NRXN1: variants seen among roughly 807,000 people sequenced by gnomAD.
NRXN1 encodes neurexin 1.
A neutral mutation model predicts 150.9 loss-of-function variants in NRXN1; 39 were observed. The ratio of observed to expected loss-of-function variants is 0.26; its 90% CI spans 0.20 to 0.34. The LOEUF (loss-of-function observed/expected upper bound fraction) is 0.34, where lower values mean the gene tolerates loss of function less well. NRXN1 is among the 10% of genes least tolerant of loss of function. The pLI is 1.00. For missense variants in NRXN1, 1,815 were observed against 1,949.9 expected, an observed-to-expected ratio of 0.93 and a Z score of 1.30; for synonymous variants, 924 against 757.0, an observed-to-expected ratio of 1.22 and a Z score of -3.62.
intron 5 of NRXN1, among the ~76,000 whole-genome samples, chr2:50,821,211 C>T (rs1487046922): frequency 6.6e-6 from 1 of 152,140 alleles, no homozygotes; most frequent in Non-Finnish European, 1.5e-5. Flanking sequence ...CCCACAGGCC[C>T]CATGCAGCCC....
At chr2:49,987,205 T>G (rs1174831094) in intron 21 of NRXN1, among the ~76,000 whole-genome samples, 2 of 152,122 alleles carry the variant, frequency 1.3e-5, no homozygotes, top group Non-Finnish European at 2.9e-5. Flanking sequence ...AGCCTACAAT[T>G]CTGCTCTCTA....
At chr2:50,647,897 C>G (rs1246610239) in intron 5 of NRXN1, among the ~76,000 whole-genome samples, 1 of 151,656 alleles carries the variant, frequency 6.6e-6, no homozygotes, top group Non-Finnish European at 1.5e-5. Context: ...GTAGGGCATA[C>G]AAATTATACT....
At chr2:50,800,610 C>T (rs1384590731) in intron 5 of NRXN1, among the ~76,000 whole-genome samples, 1 of 151,968 alleles carries the variant, frequency 6.6e-6, no homozygotes, top group Non-Finnish European at 1.5e-5. Flanking sequence ...AGCACAATGG[C>T]GCGATCTCGG....
rs565060401 is a variant in NRXN1, at chr2:50,300,761, T to C, written c.3365-63791A>G. Among the ~76,000 whole-genome samples the C allele has an allele frequency of 2.3e-3, 344 of 152,286 alleles. 2 individuals are homozygous for C. Among genetic ancestry groups the C allele is most frequent in the Non-Finnish European group, 3.0e-3 (205 of 68,016 alleles). On this transcript the variant is annotated intron_variant, in intron 17 of 22. Coordinates refer to ENST00000401669, the MANE Select transcript of NRXN1 (RefSeq NM_001330078.2). ...CCCAGGCTGGAGTGCAATGGCACTATCTTGGCTCACTGCAATCTCCGCCTC... is the reference window on the plus strand; with the variant it reads ...CCCAGGCTGGAGTGCAATGGCACTACCTTGGCTCACTGCAATCTCCGCCTC...
intron 18 of NRXN1, among the ~76,000 whole-genome samples, chr2:50,211,880 C>T (rs919008707): frequency 2.6e-5 from 4 of 151,436 alleles, no homozygotes; most frequent in Admixed American, 1.3e-4. Context: ...ACGTGTTCTT[C>T]GTTCATTTAA....
intron 5 of NRXN1, among the ~76,000 whole-genome samples, chr2:50,865,514 C>T (rs550232492): frequency 1.3e-5 from 2 of 150,568 alleles, no homozygotes; most frequent in East Asian, 4.0e-4. Flanking sequence ...CTCTCTGGTT[C>T]CAGAGTGTAT....
At chr2:50,829,628 G>A (rs1671101514) in intron 5 of NRXN1, 4 of 1,611,882 alleles carry the variant, frequency 2.5e-6, no homozygotes, top group South Asian at 1.1e-5. Context: ...TACTACTGGG[G>A]ATTCCAGTAG....
intron 17 of NRXN1, among the ~76,000 whole-genome samples, chr2:50,323,851 T>C (rs1191435014): frequency 1.3e-5 from 2 of 152,146 alleles, no homozygotes; most frequent in East Asian, 3.9e-4. Flanking sequence ...ATTACTTCAT[T>C]TTAACAAAAG....
At chr2:50,613,343 A>G (rs1046394588) in intron 8 of NRXN1, among the ~76,000 whole-genome samples, 1 of 152,166 alleles carries the variant, frequency 6.6e-6, no homozygotes, top group Non-Finnish European at 1.5e-5. Flanking sequence ...GCTGTACAGA[A>G]TAGAACAGTC....
rs1253168349 is a variant in NRXN1 at position 49,920,966 on chromosome 2, A to AAAAAT, written c.*973_*977dup. Reference sequence around the variant, plus strand: ...TAAACACTACACTGTAATTTCTTTAAAAAATAAAAGTAATTGTGGCAATTT... The same window carrying AAAAAT: ...TAAACACTACACTGTAATTTCTTTAAAAAATAAAATAAAAGTAATTGTGGCAATTT... On this transcript the variant is annotated 3_prime_UTR_variant, in exon 23 of 23. Coordinates refer to ENST00000401669, the MANE Select transcript of NRXN1 (RefSeq NM_001330078.2). 5 of 116,028 alleles carry AAAAAT rather than the reference A, an allele frequency of 4.3e-5. No individual in the cohort carries two copies. The highest frequency in any genetic ancestry group is 9.3e-5 in the Non-Finnish European group (5 of 53,744). The allele number at this position is 116,028 out of a possible 1,614,324, so 7.2% of individuals were successfully genotyped here. A position where few individuals can be genotyped will look rare whatever the true frequency, so the allele number is the denominator to read the frequency against.
At chr2:49,929,452 CT>C (rs1337890625) in intron 22 of NRXN1, among the ~76,000 whole-genome samples, 14 of 152,084 alleles carry the variant, frequency 9.2e-5, no homozygotes, top group Admixed American at 2.6e-4. Context: ...TCATTGTATC[CT>C]TGTGGTTTGC....
At chr2:50,951,407 A>G (rs1227004374) in intron 2 of NRXN1, among the ~76,000 whole-genome samples, 2 of 152,194 alleles carry the variant, frequency 1.3e-5, no homozygotes, top group Admixed American at 6.5e-5. Context: ...CCCGCCAGAT[A>G]CCCAACTGGA....
chr2:50,768,733 T>C (rs1175024092), intron 5 of NRXN1, among the ~76,000 whole-genome samples: 1 of 151,990 alleles, frequency 6.6e-6, no homozygotes, highest in Admixed American at 6.6e-5. Flanking sequence ...TGGTTGCAGC[T>C]GGGTCACCGA....
chr2:50,631,804 A>G (rs1682370672), intron 5 of NRXN1, among the ~76,000 whole-genome samples: 1 of 151,876 alleles, frequency 6.6e-6, no homozygotes, highest in Non-Finnish European at 1.5e-5. Flanking sequence ...TGAACAAATG[A>G]TCCTGGAATT....
intron 12 of NRXN1, among the ~76,000 whole-genome samples, chr2:50,519,990 T>C (rs1459753041): frequency 6.6e-6 from 1 of 151,980 alleles, no homozygotes; most frequent in Admixed American, 6.6e-5. Context: ...GTTTACAAGA[T>C]GTTGCTAAAA....
Position 50,213,230 on chromosome 2 carries a change from G to T in NRXN1, c.3546+23559C>A, listed in dbSNP as rs552233027. 1.1e-4 allele frequency among the ~76,000 whole-genome samples: 17 copies of T among 151,940 alleles called. No homozygotes were observed. In the South Asian group the frequency reaches 3.5e-3, roughly 32 times the overall value. On this transcript the variant is annotated intron_variant, in intron 18 of 22. Coordinates refer to ENST00000401669, the MANE Select transcript of NRXN1 (RefSeq NM_001330078.2). ...TAAAATGAACATTTACAATAAGCTAGGCACGGTTTTAGGTGCTGGATATAC... is the reference window on the plus strand; with the variant it reads ...TAAAATGAACATTTACAATAAGCTATGCACGGTTTTAGGTGCTGGATATAC...
intron 5 of NRXN1, among the ~76,000 whole-genome samples, chr2:50,736,260 C>T (rs1173527078): frequency 6.6e-6 from 1 of 152,130 alleles, no homozygotes; most frequent in African/African-American, 2.4e-5. Flanking sequence ...TGGTTCACCC[C>T]ATTCCTCTTT....
intron 8 of NRXN1, among the ~76,000 whole-genome samples, chr2:50,598,741 T>G (rs995746286): frequency 6.2e-5 from 9 of 146,054 alleles, no homozygotes; most frequent in African/African-American, 2.3e-4. Context: ...TATATGTATA[T>G]ATATATATTT....
At chr2:50,236,442 C>T (rs115436377) in intron 18 of NRXN1, among the ~76,000 whole-genome samples, 1,603 of 152,070 alleles carry the variant, frequency 0.011, 27 homozygotes, top group African/African-American at 0.036. Context: ...CCTCCTGCTT[C>T]CAGCCAGATG....
Sources: gnomAD v4.1 joint callset for allele counts (sites outside exome capture counted in the v4.1 genomes callset) on GRCh38, gnomAD v4.1.1 for gene constraint, MANE v1.5 for transcripts, NCBI Gene and HGNC (gene_info 2026-07-23, HGNC 2026-07-21) for gene names.